Variants in TMEM132B observed in about 807,000 individuals in gnomAD.
TMEM132B encodes the protein transmembrane protein 132B.
In TMEM132B, 18 loss-of-function variants were observed where a neutral mutation model predicts 90.8. The observed-to-expected ratio is 0.20, with a 90% CI of 0.14 to 0.29. The LOEUF is 0.29. TMEM132B is among the 10% of genes least tolerant of loss of function. The pLI is 1.00. For missense variants in TMEM132B, 1,096 were observed against 1,326.8 expected (o/e 0.83, Z 2.70); for synonymous variants, 504 against 523.3 (o/e 0.96, Z 0.50).
At chr12:125,338,507 G>A (rs1016982115) in intron 1 of TMEM132B, among the ~76,000 whole-genome samples, 1 of 152,204 alleles carries the variant, frequency 6.6e-6, no homozygotes, top group Non-Finnish European at 1.5e-5. Context: ...GAGGATGGGG[G>A]CACTGGAAGG....
At chr12:125,194,270 G>GA (rs1555231222) in intron 1 of TMEM132B, among the ~76,000 whole-genome samples, 1 of 149,454 alleles carries the variant, frequency 6.7e-6, no homozygotes, top group Admixed American at 6.6e-5. Flanking sequence ...TAACCCGTTG[G>GA]TGGGGGGGTC....
intron 3 of TMEM132B, among the ~76,000 whole-genome samples, chr12:125,422,218 A>G (rs996309766): frequency 6.6e-6 from 1 of 152,236 alleles, no homozygotes; most frequent in African/African-American, 2.4e-5. Flanking sequence ...ATGGAACGTT[A>G]TTATTATTCC....
chr12:125,240,318 T>C (rs75393874), intron 1 of TMEM132B, among the ~76,000 whole-genome samples: 5,240 of 152,212 alleles, frequency 0.034, 141 homozygotes, highest in African/African-American at 0.065. Flanking sequence ...GCATCCGTGG[T>C]AGAACAGCCC....
intron 1 of TMEM132B, among the ~76,000 whole-genome samples, chr12:125,282,019 C>A (rs1875197241): frequency 1.3e-5 from 1 of 77,358 alleles, no homozygotes; most frequent in Admixed American, 1.8e-4. Context: ...CACAGGGAGA[C>A]TCCGTCTCAA....
chr12:125,300,863 A>G (rs1267314705), intron 1 of TMEM132B: 1 of 151,502 alleles, frequency 6.6e-6, no homozygotes, highest in Non-Finnish European at 1.5e-5. Context: ...AGCTGCCTGC[A>G]AACAGCCTTA....
chr12:125,269,560 C>T (rs1874775182), intron 1 of TMEM132B, among the ~76,000 whole-genome samples: 1 of 152,144 alleles, frequency 6.6e-6, no homozygotes, highest in South Asian at 2.1e-4. Flanking sequence ...TGTGTTCTCA[C>T]CCAGGATGAA....
chr12:125,360,655 G>A (rs976410322), intron 2 of TMEM132B, among the ~76,000 whole-genome samples: 2 of 152,064 alleles, frequency 1.3e-5, no homozygotes, highest in African/African-American at 4.8e-5. Context: ...AAGTGCTGTG[G>A]GTAGGAAGTG....
chr12:125,336,562 T>C (rs758764433), intron 1 of TMEM132B, among the ~76,000 whole-genome samples: 5 of 151,510 alleles, frequency 3.3e-5, no homozygotes, highest in Non-Finnish European at 5.9e-5. Context: ...TCATTTTCGA[T>C]TTCAGTAATG....
At chr12:125,555,805 G>C (rs1884370446) in intron 4 of TMEM132B, among the ~76,000 whole-genome samples, 1 of 152,104 alleles carries the variant, frequency 6.6e-6, no homozygotes, top group South Asian at 2.1e-4. Flanking sequence ...GAAACAGAAA[G>C]TAAGACAGTT....
intron 2 of TMEM132B, among the ~76,000 whole-genome samples, chr12:125,412,934 G>A (rs1258757143): frequency 2.6e-5 from 4 of 152,124 alleles, no homozygotes; most frequent in African/African-American, 9.7e-5. Flanking sequence ...GAATGATCAA[G>A]TCAAGGCAAG....
intron 3 of TMEM132B, among the ~76,000 whole-genome samples, chr12:125,449,111 C>T (rs1003971070): frequency 5.9e-5 from 9 of 151,824 alleles, no homozygotes; most frequent in Admixed American, 3.3e-4. Flanking sequence ...GGACTACAGG[C>T]GCCCACCATC....
At chr12:125,624,109 G>T (rs1181606421) in intron 5 of TMEM132B, among the ~76,000 whole-genome samples, 4 of 152,252 alleles carry the variant, frequency 2.6e-5, no homozygotes. Context: ...AACCAACAGA[G>T]AGAGATAAAG....
rs910995525 is a variant in TMEM132B at position 125,468,410 on chromosome 12, C to T, written c.1107-51029C>T. 6.6e-5 allele frequency among the ~76,000 whole-genome samples: 10 copies of T among 152,268 alleles called. No individual in the cohort carries two copies. The South Asian group carries it at 8.3e-4, about 13-fold the overall frequency. Reference sequence around the variant, plus strand: ...TTTTTGAAGGATGAACAGATTTTGACGTGTGGTAATGGTAAGGGAAATAAT... The same window carrying T: ...TTTTTGAAGGATGAACAGATTTTGATGTGTGGTAATGGTAAGGGAAATAAT... On this transcript the variant is annotated intron_variant, in intron 3 of 8. Transcript: ENST00000682704.
Position 125,408,609 on chromosome 12 carries a change from C to T in TMEM132B, c.960-6922C>T, listed in dbSNP as rs572473921. Reference sequence around the variant, plus strand: ...TTTGTGGTATTTTGTTAGACTGTCCCGAACAGATTAAGGCAATGAGCATTT... The same window carrying T: ...TTTGTGGTATTTTGTTAGACTGTCCTGAACAGATTAAGGCAATGAGCATTT... On this transcript the variant is annotated intron_variant, in intron 2 of 8. Transcript: ENST00000682704. This position sits in a 1 kb window ranked among gnomAD's most constrained non-coding sequence, Gnocchi z 5.9. Among the ~76,000 whole-genome samples, 23 of 152,254 alleles carry T rather than the reference C, an allele frequency of 1.5e-4. No individual in the cohort carries two copies. In the South Asian group the frequency reaches 3.9e-3, roughly 26 times the overall value.
intron 1 of TMEM132B, among the ~76,000 whole-genome samples, chr12:125,198,062 C>T (rs1872964306): frequency 6.6e-6 from 1 of 152,168 alleles, no homozygotes; most frequent in Non-Finnish European, 1.5e-5. Flanking sequence ...AGTGTGATTC[C>T]AATCCATAGA....
At chr12:125,238,202 T>C (rs758348795) in intron 1 of TMEM132B, among the ~76,000 whole-genome samples, 3 of 151,646 alleles carry the variant, frequency 2.0e-5, no homozygotes, top group Non-Finnish European at 4.4e-5. Context: ...TCTCAAGTGG[T>C]CGCCTCTGTT....
At chr12:125,320,038 G>A (rs1052566664) in intron 1 of TMEM132B, among the ~76,000 whole-genome samples, 3 of 151,484 alleles carry the variant, frequency 2.0e-5, no homozygotes, top group African/African-American at 7.2e-5. Context: ...GGGAGCCACC[G>A]GTCTAGGGCA....
At chr12:125,433,903 G>C (rs953166698) in intron 3 of TMEM132B, among the ~76,000 whole-genome samples, 3 of 152,062 alleles carry the variant, frequency 2.0e-5, no homozygotes, top group Admixed American at 6.5e-5. Flanking sequence ...ATTTCGCCTT[G>C]GAAGGGGGCT....
At position 125,407,220 on chromosome 12, in the gene TMEM132B, C is replaced by T. The variant is rs758104625; in HGVS notation, c.960-8311C>T. Among the ~76,000 whole-genome samples, 95 of 152,208 alleles carry T rather than the reference C, an allele frequency of 6.2e-4. No individual in the cohort carries two copies. Among genetic ancestry groups the T allele is most frequent in the Admixed American group, 3.5e-3 (54 of 15,286 alleles). ...CTCAGGTAAACAAAGACACTCTTAT[C>T]AGGCAAGAAATTCCAAAGGCTTAAA... On this transcript the variant is annotated intron_variant, in intron 2 of 8. Coordinates refer to ENST00000682704, the MANE Select transcript of TMEM132B (RefSeq NM_001366854.1). This position sits in a 1 kb window ranked among gnomAD's most constrained non-coding sequence, Gnocchi z 6.7.
Sources: allele counts gnomAD v4.1 joint callset (sites outside exome capture counted in the v4.1 genomes callset), GRCh38; gene constraint gnomAD v4.1.1; non-coding constraint Gnocchi (gnomAD v3.1); transcripts MANE v1.5; gene names NCBI Gene and HGNC (gene_info 2026-07-23, HGNC 2026-07-21).